Variants in CCDC172 observed in about 807,000 individuals in gnomAD.
The protein encoded by CCDC172 is coiled-coil domain-containing protein 172.
Under a neutral mutation model 38.0 loss-of-function variants are expected in CCDC172, and 30 were observed. That is an observed-to-expected ratio of 0.79 (90% CI 0.59 to 1.07). The LOEUF (loss-of-function observed/expected upper bound fraction) is 1.07, where lower values mean the gene tolerates loss of function less well. CCDC172 is among the 50% of genes least tolerant of loss of function. The pLI, the probability that CCDC172 is intolerant of heterozygous loss-of-function variation, is 0.00. For missense variants in CCDC172, 297 were observed against 290.1 expected, an observed-to-expected ratio of 1.02 and a Z score of -0.17; for synonymous variants, 78 against 88.3, an observed-to-expected ratio of 0.88 and a Z score of 0.66.
intron 3 of CCDC172, among the ~76,000 whole-genome samples, chr10:116,336,387 T>TGA (rs5788154): frequency 0.71 from 105,133 of 148,866 alleles, 36,951 homozygotes; most frequent in East Asian, 0.88. Context: ...GGAGAGGGAG[T>TGA]GGGGGTGAAA....
intron 5 of CCDC172, among the ~76,000 whole-genome samples, chr10:116,346,181 A>G (rs890826132): frequency 1.3e-4 from 20 of 151,446 alleles, no homozygotes; most frequent in African/African-American, 4.1e-4. Context: ...AATCCCAGCT[A>G]CTCAGGAGGC....
At chr10:116,327,453 C>T (rs1844606004) in intron 3 of CCDC172, among the ~76,000 whole-genome samples, 1 of 151,910 alleles carries the variant, frequency 6.6e-6, no homozygotes, top group Non-Finnish European at 1.5e-5. Flanking sequence ...TTTAATGTTA[C>T]TCTGTAATAT....
intron 3 of CCDC172, among the ~76,000 whole-genome samples, chr10:116,328,254 C>G (rs1309458955): frequency 6.6e-6 from 1 of 151,938 alleles, no homozygotes; most frequent in African/African-American, 2.4e-5. Flanking sequence ...AGTATGAGTA[C>G]TTTATGAATT....
At chr10:116,348,439 T>C (rs1589952785) in intron 5 of CCDC172, among the ~76,000 whole-genome samples, 1 of 152,176 alleles carries the variant, frequency 6.6e-6, no homozygotes, top group South Asian at 2.1e-4. Context: ...TTTCATTGGG[T>C]TTTGAATAAT....
At chr10:116,344,242 A>G (rs1255206408) in intron 5 of CCDC172, among the ~76,000 whole-genome samples, 2 of 152,196 alleles carry the variant, frequency 1.3e-5, no homozygotes, top group African/African-American at 4.8e-5. Context: ...GTTCTGAGAA[A>G]TGCATTCTTA....
chr10:116,331,176 G>A (rs569601831), intron 3 of CCDC172, among the ~76,000 whole-genome samples: 1 of 151,892 alleles, frequency 6.6e-6, no homozygotes, highest in African/African-American at 2.4e-5. Flanking sequence ...TAGGATTATT[G>A]TTATTAAATT....
At chr10:116,343,515 G>GT (rs61102916) in intron 5 of CCDC172, among the ~76,000 whole-genome samples, 4 of 133,162 alleles carry the variant, frequency 3.0e-5, no homozygotes, top group Non-Finnish European at 6.4e-5. Context: ...CTGATCATTC[G>GT]TTTTTTTTTT....
At chr10:116,352,543 G>C (rs926938925) in intron 5 of CCDC172, among the ~76,000 whole-genome samples, 17 of 151,998 alleles carry the variant, frequency 1.1e-4, no homozygotes, top group African/African-American at 4.1e-4. Context: ...AGACACAGAA[G>C]AAATATTTGA....
intron 7 of CCDC172, among the ~76,000 whole-genome samples, chr10:116,368,831 C>T (rs1002076511): frequency 6.6e-6 from 1 of 152,026 alleles, no homozygotes; most frequent in African/African-American, 2.4e-5. Flanking sequence ...ACAATCTCCT[C>T]CAACTCAAAT....
intron 5 of CCDC172, among the ~76,000 whole-genome samples, chr10:116,354,217 T>A (rs534161800): frequency 6.6e-6 from 1 of 152,318 alleles, no homozygotes; most frequent in African/African-American, 2.4e-5. Context: ...TATAAAAGTA[T>A]AGCACATAAA....
At chr10:116,344,284 T>C (rs1382202905) in intron 5 of CCDC172, among the ~76,000 whole-genome samples, 3 of 152,232 alleles carry the variant, frequency 2.0e-5, no homozygotes, top group Non-Finnish European at 2.9e-5. Context: ...TCATAGATTG[T>C]ACTTACACAA....
chr10:116,330,198 G>A (rs1565711117), intron 3 of CCDC172, among the ~76,000 whole-genome samples: 1 of 152,150 alleles, frequency 6.6e-6, no homozygotes, highest in Non-Finnish European at 1.5e-5. Flanking sequence ...ATGATAATAT[G>A]CAAGCTTTCA....
chr10:116,332,524 T>C (rs929365499), intron 3 of CCDC172, among the ~76,000 whole-genome samples: 1 of 152,138 alleles, frequency 6.6e-6, no homozygotes, highest in Non-Finnish European at 1.5e-5. Flanking sequence ...CATGGAAACT[T>C]GTCTGTACAG....
Position 116,340,719 on chromosome 10 carries a change from T to C in CCDC172, c.166-15T>C, listed in dbSNP as rs766082125. 7.8e-7 allele frequency: 1 copy of C among 1,279,736 alleles called. No homozygotes were observed. Among genetic ancestry groups the C allele is most frequent in the African/African-American group, 1.5e-5 (1 of 67,304 alleles). The allele number at this position is 1,279,736 out of a possible 1,614,324, so 79.3% of individuals were successfully genotyped here. A position where few individuals can be genotyped will look rare whatever the true frequency, so the allele number is the denominator to read the frequency against. On this transcript the variant is annotated splice_polypyrimidine_tract_variant and intron_variant, in intron 3 of 8. Transcript: ENST00000333254. ...TTAATTGTTTTATTCTGATTTCTGT[T>C]TTTGTACTTTGAAGGTTCAACAGTT... is the stretch of plus-strand genomic sequence containing the variant.
chr10:116,368,679 A>C (rs925091647), intron 7 of CCDC172, among the ~76,000 whole-genome samples: 1 of 152,106 alleles, frequency 6.6e-6, no homozygotes, highest in South Asian at 2.1e-4. Context: ...TTTTTCAAGA[A>C]GCCCTATTAT....
chr10:116,338,432 G>A (rs894534518), intron 3 of CCDC172, among the ~76,000 whole-genome samples: 3 of 152,020 alleles, frequency 2.0e-5, no homozygotes, highest in Non-Finnish European at 4.4e-5. Context: ...GGAATGAAGA[G>A]GAGATAAACT....
At chr10:116,375,551 T>C (rs546537288) in intron 7 of CCDC172, among the ~76,000 whole-genome samples, 1 of 150,552 alleles carries the variant, frequency 6.6e-6, no homozygotes, top group South Asian at 2.1e-4. Context: ...CGGTGTTTGG[T>C]TTTCTGTTCT....
chr10:116,346,817 A>T (rs1266979458), intron 5 of CCDC172, among the ~76,000 whole-genome samples: 1 of 152,082 alleles, frequency 6.6e-6, no homozygotes, highest in Non-Finnish European at 1.5e-5. Flanking sequence ...ATTTCATAAC[A>T]TTTTCATATA....
intron 7 of CCDC172, among the ~76,000 whole-genome samples, chr10:116,364,053 C>T (rs1394245717): frequency 6.6e-6 from 1 of 151,812 alleles, no homozygotes; most frequent in Non-Finnish European, 1.5e-5. Context: ...AGGATAACAG[C>T]TTGTTAAAAA....
Sources: gnomAD v4.1 joint callset for allele counts (sites outside exome capture counted in the v4.1 genomes callset) on GRCh38, gnomAD v4.1.1 for gene constraint, MANE v1.5 for transcripts, NCBI Gene and HGNC (gene_info 2026-07-23, HGNC 2026-07-21) for gene names.